The following GAS7 variants were observed in gnomAD, a reference collection of about 807,000 sequenced individuals.
GAS7 encodes growth arrest-specific protein 7.
GAS7 carries 28 observed loss-of-function variants against 71.1 expected under a neutral mutation model. The ratio of observed to expected loss-of-function variants is 0.39; its 90% CI spans 0.29 to 0.54. The LOEUF (loss-of-function observed/expected upper bound fraction) is 0.54, where lower values mean the gene tolerates loss of function less well. GAS7 is among the 20% of genes least tolerant of loss of function. The pLI, the probability that GAS7 is intolerant of heterozygous loss-of-function variation, is 0.62. For synonymous variants in GAS7, 258 were observed against 245.8 expected (o/e 1.05, Z -0.46); for missense variants, 436 against 627.8 (o/e 0.69, Z 3.27).
At chr17:9,936,594 T>C (rs994230213) in intron 8 of GAS7, among the ~76,000 whole-genome samples, 1 of 152,196 alleles carries the variant, frequency 6.6e-6, no homozygotes, top group Non-Finnish European at 1.5e-5. Context: ...CCTTGGTGAA[T>C]GCCTCCCTGC....
intron 2 of GAS7, among the ~76,000 whole-genome samples, chr17:9,989,397 C>T (rs573805265): frequency 1.2e-4 from 18 of 152,066 alleles, no homozygotes; most frequent in South Asian, 4.1e-4. Context: ...GTGCTGGACA[C>T]GGGGTTATAT....
At chr17:10,089,228 C>T (rs11078829) in intron 1 of GAS7, among the ~76,000 whole-genome samples, 16,463 of 151,970 alleles carry the variant, frequency 0.11, 1,018 homozygotes, top group East Asian at 0.21. Context: ...ACTGTCTTCC[C>T]CCATCCAGTC....
intron 2 of GAS7, among the ~76,000 whole-genome samples, chr17:10,007,272 C>T (rs1384629675): frequency 6.6e-6 from 1 of 152,088 alleles, no homozygotes; most frequent in African/African-American, 2.4e-5. Context: ...CGAGGTATTT[C>T]TGACACCCAC....
At chr17:9,963,673 C>G (rs1014540121) in intron 4 of GAS7, among the ~76,000 whole-genome samples, 2 of 152,074 alleles carry the variant, frequency 1.3e-5, no homozygotes, top group African/African-American at 2.4e-5. Context: ...TTCTAGAATT[C>G]ACGAGCTATA....
At chr17:9,956,155 C>T (rs768874822) in intron 5 of GAS7, among the ~76,000 whole-genome samples, 8 of 152,226 alleles carry the variant, frequency 5.3e-5, no homozygotes, top group Non-Finnish European at 8.8e-5. Context: ...GGAACAGAGG[C>T]CACAGGCTTC....
chr17:10,001,290 C>T (rs943938567), intron 2 of GAS7, among the ~76,000 whole-genome samples: 2 of 152,204 alleles, frequency 1.3e-5, no homozygotes, highest in Non-Finnish European at 2.9e-5. Flanking sequence ...CAGCCCTCTC[C>T]TCTATTTCAG....
At chr17:10,013,428 C>A (rs2071859395) in intron 2 of GAS7, among the ~76,000 whole-genome samples, 1 of 152,202 alleles carries the variant, frequency 6.6e-6, no homozygotes, top group African/African-American at 2.4e-5. Flanking sequence ...ACACAGGCAA[C>A]TTTTGGTGGG....
At chr17:10,166,355 G>A (rs1383934794) in intron 1 of GAS7, among the ~76,000 whole-genome samples, 4 of 152,086 alleles carry the variant, frequency 2.6e-5, no homozygotes, top group Admixed American at 2.0e-4. Flanking sequence ...CAGGGGATGG[G>A]GGCCCCAAGG....
chr17:10,169,541 C>G (rs1484492317), intron 1 of GAS7, among the ~76,000 whole-genome samples: 1 of 152,290 alleles, frequency 6.6e-6, no homozygotes, highest in East Asian at 1.9e-4. Flanking sequence ...TTGAGAGCTG[C>G]AGATAAGGTC....
intron 4 of GAS7, among the ~76,000 whole-genome samples, chr17:9,966,859 C>CAGGG (rs1353269553): frequency 6.6e-6 from 1 of 152,214 alleles, no homozygotes; most frequent in Non-Finnish European, 1.5e-5. Context: ...AAGGGCAACA[C>CAGGG]AGGGACACCC....
chr17:9,951,576 G>A (rs1409775001), intron 5 of GAS7, among the ~76,000 whole-genome samples: 1 of 152,086 alleles, frequency 6.6e-6, no homozygotes, highest in Non-Finnish European at 1.5e-5. Context: ...GACCCACATG[G>A]AGAAACCCCA....
At chr17:10,071,757 AAAT>A (rs148705126) in intron 1 of GAS7, among the ~76,000 whole-genome samples, 9 of 150,642 alleles carry the variant, frequency 6.0e-5, no homozygotes, top group African/African-American at 9.7e-5. Context: ...AAACCCCTTC[AAAT>A]AATAATAATA....
rs2067614804 is a variant in GAS7, at chr17:9,917,328, A to G, written c.1331T>C (p.Val444Ala). The change falls in exon 14 of 14, where the codon GTG becomes GCG. Residue 444 changes from valine to alanine, a missense_variant. Coordinates refer to ENST00000432992, the MANE Select transcript of GAS7 (RefSeq NM_201433.2). ...GTCCACTTTTCGAAGCAGCTGATCCACGGGCTCGACTGTCTGCAAGAGACA... is the reference window on the plus strand; with the variant it reads ...GTCCACTTTTCGAAGCAGCTGATCCGCGGGCTCGACTGTCTGCAAGAGACA... ...DMFNQSTVEP[V>A]DQLLRKVDPA... 6.2e-7 allele frequency: 1 copy of G among 1,612,722 alleles called. No homozygotes were observed.
At chr17:10,008,597 C>T (rs2071628735) in intron 2 of GAS7, among the ~76,000 whole-genome samples, 1 of 152,020 alleles carries the variant, frequency 6.6e-6, no homozygotes, top group African/African-American at 2.4e-5. Context: ...GTGTTATGCA[C>T]GTAAGTATTA....
intron 1 of GAS7, among the ~76,000 whole-genome samples, chr17:10,144,595 G>A (rs1386254943): frequency 6.6e-6 from 1 of 152,088 alleles, no homozygotes; most frequent in Non-Finnish European, 1.5e-5. Context: ...CCAGGCTGGA[G>A]TACAGTGGCG....
Position 9,926,848 on chromosome 17 carries a change from G to C in GAS7, c.886-79C>G. Reference sequence around the variant, plus strand: ...AGTGCAGGGAGGAGGGATGGGAGGGGCACCCCCACTTCCCCAGGCAAGTGA... The same window carrying C: ...AGTGCAGGGAGGAGGGATGGGAGGGCCACCCCCACTTCCCCAGGCAAGTGA... On this transcript the variant is annotated intron_variant, in intron 9 of 13. Coordinates refer to ENST00000432992, the MANE Select transcript of GAS7 (RefSeq NM_201433.2). The surrounding 1 kb of genome is among the most constrained non-coding windows in gnomAD (Gnocchi z 5.0). 13 of 1,480,838 alleles carry C rather than the reference G, an allele frequency of 8.8e-6. No individual in the cohort carries two copies. The highest frequency in any genetic ancestry group is 1.1e-5 in the South Asian group (1 of 88,082). 91.7% of individuals were successfully genotyped at this position (1,480,838 alleles called of 1,614,324 possible).
Position 10,018,334 on chromosome 17 carries a change from T to C in GAS7, c.304+1443A>G, listed in dbSNP as rs114016455. ...CCCCTTTGCAATAGAGTAGCTTATT[T>C]GGGACAATAACGGATCCAAATTATT... On this transcript the variant is annotated intron_variant, in intron 2 of 13. Coordinates refer to ENST00000432992, the MANE Select transcript of GAS7 (RefSeq NM_201433.2). Among the ~76,000 whole-genome samples the C allele has an allele frequency of 3.1e-3, 467 of 152,330 alleles. 8 individuals carry two copies. Among genetic ancestry groups the C allele is most frequent in the African/African-American group, 0.011 (454 of 41,578 alleles).
rs114765308 is a variant in GAS7, at chr17:10,059,346, C to T, written c.184-39449G>A. 6.8e-3 allele frequency among the ~76,000 whole-genome samples: 1,030 copies of T among 152,248 alleles called. 11 individuals are homozygous for T. The highest frequency in any genetic ancestry group is 0.023 in the African/African-American group (970 of 41,534). On this transcript the variant is annotated intron_variant, in intron 1 of 13. Coordinates refer to ENST00000432992, the MANE Select transcript of GAS7 (RefSeq NM_201433.2). ...AAAGGCAAACTGAGGAGGAGAAGATCCAAAACAGGAAACTGAGGTAAATCC... is the reference window on the plus strand; with the variant it reads ...AAAGGCAAACTGAGGAGGAGAAGATTCAAAACAGGAAACTGAGGTAAATCC...
intron 1 of GAS7, among the ~76,000 whole-genome samples, chr17:10,142,667 A>G (rs1370077076): frequency 5.3e-5 from 8 of 152,222 alleles, no homozygotes; most frequent in Non-Finnish European, 1.2e-4. Flanking sequence ...AAGGTTTAAA[A>G]ACAGAAAACA....
Sources: allele counts gnomAD v4.1 joint callset (sites outside exome capture counted in the v4.1 genomes callset), GRCh38; gene constraint gnomAD v4.1.1; non-coding constraint Gnocchi (gnomAD v3.1); transcripts MANE v1.5; gene names NCBI Gene and HGNC (gene_info 2026-07-23, HGNC 2026-07-21).